SNTG2: variants seen among roughly 807,000 people sequenced by gnomAD.
SNTG2 encodes the protein gamma-2-syntrophin.
In SNTG2, 74 loss-of-function variants were observed where a neutral mutation model predicts 70.9. That is an observed-to-expected ratio of 1.04 (90% CI 0.86 to 1.27). SNTG2 has a LOEUF of 1.27. Ranked by LOEUF, SNTG2 falls within the 50% of genes most tolerant of loss-of-function variation. The probability of loss-of-function intolerance (pLI) is 0.00; values close to 1 mark genes in which losing one functional copy is unlikely to be tolerated. For synonymous variants in SNTG2, 278 were observed against 273.8 expected, an observed-to-expected ratio of 1.02 and a Z score of -0.15; for missense variants, 717 against 690.7, an observed-to-expected ratio of 1.04 and a Z score of -0.43.
At chr2:1,056,059 A>C (rs1662374002) in intron 1 of SNTG2, among the ~76,000 whole-genome samples, 1 of 151,330 alleles carries the variant, frequency 6.6e-6, no homozygotes, top group African/African-American at 2.4e-5. Context: ...CACAGGGAGA[A>C]GGGGTGAGGC....
At position 1,097,846 on chromosome 2, in the gene SNTG2, C is replaced by T. The variant is rs1225534396; in HGVS notation, c.211-350C>T. Among the ~76,000 whole-genome samples, 33 of 151,784 alleles carry T rather than the reference C, an allele frequency of 2.2e-4. No individual in the cohort carries two copies. Among genetic ancestry groups the T allele is most frequent in the Admixed American group, 2.2e-3 (33 of 15,250 alleles). Reference sequence around the variant, plus strand: ...GGTTCTAAAACAGGACTGAGTGCTCCGCCCCACTTCCCTTTCACCACCTGG... The same window carrying T: ...GGTTCTAAAACAGGACTGAGTGCTCTGCCCCACTTCCCTTTCACCACCTGG... On this transcript the variant is annotated intron_variant, in intron 2 of 16. Coordinates refer to ENST00000308624, the MANE Select transcript of SNTG2 (RefSeq NM_018968.4). This position sits in a 1 kb window ranked among gnomAD's most constrained non-coding sequence, Gnocchi z 4.1.
intron 14 of SNTG2, among the ~76,000 whole-genome samples, chr2:1,280,189 A>G (rs180970821): frequency 5.3e-5 from 8 of 152,212 alleles, no homozygotes; most frequent in African/African-American, 1.7e-4. Flanking sequence ...CCTGAAAAAA[A>G]TCAAGAGAAC....
intron 1 of SNTG2, among the ~76,000 whole-genome samples, chr2:1,014,832 G>T (rs1659835321): frequency 6.6e-6 from 1 of 152,176 alleles, no homozygotes. Flanking sequence ...CATGGAATTT[G>T]CCTCGCTGGC....
intron 1 of SNTG2, among the ~76,000 whole-genome samples, chr2:1,008,316 A>G (rs1659631143): frequency 6.6e-6 from 1 of 152,188 alleles, no homozygotes; most frequent in South Asian, 2.1e-4. Context: ...GTAATTTTAC[A>G]TCTATTTTAT....
chr2:1,043,557 A>C (rs867830673), intron 1 of SNTG2, among the ~76,000 whole-genome samples: 16 of 152,086 alleles, frequency 1.1e-4, no homozygotes, highest in African/African-American at 3.6e-4. Flanking sequence ...TTTTACATTT[A>C]AGTCTTTAAT....
chr2:991,017 T>G (rs921917287), intron 1 of SNTG2, among the ~76,000 whole-genome samples: 1 of 152,186 alleles, frequency 6.6e-6, no homozygotes, highest in African/African-American at 2.4e-5. Context: ...CAATCTCCCA[T>G]TTACTTGTTA....
intron 1 of SNTG2, among the ~76,000 whole-genome samples, chr2:1,067,233 A>C (rs910028764): frequency 6.6e-6 from 1 of 152,188 alleles, no homozygotes; most frequent in African/African-American, 2.4e-5. Context: ...AAATTCCAAC[A>C]ATGCGGAAAC....
At chr2:1,144,193 C>T (rs759266230) in intron 6 of SNTG2, among the ~76,000 whole-genome samples, 1 of 152,092 alleles carries the variant, frequency 6.6e-6, no homozygotes, top group Non-Finnish European at 1.5e-5. Flanking sequence ...TCTGGAGAAA[C>T]ATAGAACCTG....
intron 1 of SNTG2, among the ~76,000 whole-genome samples, chr2:1,032,817 G>T (rs2148038339): frequency 6.6e-6 from 1 of 152,202 alleles, no homozygotes; most frequent in African/African-American, 2.4e-5. Context: ...CTTGGTCACT[G>T]TGTTAGATCA....
At chr2:956,548 T>C (rs10188791) in intron 1 of SNTG2, among the ~76,000 whole-genome samples, 22,012 of 152,182 alleles carry the variant, frequency 0.14, 2,055 homozygotes, top group Non-Finnish European at 0.2. Flanking sequence ...CCGCAACCCA[T>C]GCCCCTTCCT....
intron 4 of SNTG2, among the ~76,000 whole-genome samples, chr2:1,133,739 C>T (rs888062271): frequency 1.3e-5 from 2 of 152,156 alleles, no homozygotes; most frequent in Admixed American, 6.5e-5. Flanking sequence ...TCAGCTGAAA[C>T]ACATTTCACA....
chr2:1,237,235 G>A (rs762885314), intron 9 of SNTG2, among the ~76,000 whole-genome samples: 27 of 152,122 alleles, frequency 1.8e-4, no homozygotes, highest in East Asian at 7.7e-4. Context: ...GAGCCACTGC[G>A]CCCGGCCAAT....
intron 9 of SNTG2, among the ~76,000 whole-genome samples, chr2:1,214,403 T>A (rs1354373485): frequency 6.6e-6 from 1 of 152,194 alleles, no homozygotes; most frequent in Non-Finnish European, 1.5e-5. Flanking sequence ...TCCATTTTTG[T>A]GTGTCATCTA....
At chr2:1,262,165 A>G (rs974657717) in intron 13 of SNTG2, among the ~76,000 whole-genome samples, 66 of 152,162 alleles carry the variant, frequency 4.3e-4, no homozygotes, top group African/African-American at 1.6e-3. Flanking sequence ...AGAGAGAGAG[A>G]TTCAGAGATT....
At chr2:1,281,181 C>A (rs1168521129) in intron 14 of SNTG2, among the ~76,000 whole-genome samples, 1 of 149,740 alleles carries the variant, frequency 6.7e-6, no homozygotes, top group South Asian at 2.1e-4. Flanking sequence ...GTTCTGTGGT[C>A]TGTGGTGGTG....
intron 1 of SNTG2, among the ~76,000 whole-genome samples, chr2:1,060,289 C>T (rs546830767): frequency 8.5e-5 from 13 of 152,164 alleles, no homozygotes; most frequent in South Asian, 2.1e-4. Flanking sequence ...ATAACGATAC[C>T]AGTGTGAACT....
chr2:1,106,348 C>G (rs1291057504), intron 4 of SNTG2, among the ~76,000 whole-genome samples: 3 of 98,668 alleles, frequency 3.0e-5, no homozygotes, highest in African/African-American at 3.9e-5. Context: ...TGCTGTCACT[C>G]GGTGCAGGGT....
chr2:1,099,630 A>G (rs4991940), intron 4 of SNTG2, among the ~76,000 whole-genome samples: 2,479 of 102,468 alleles, frequency 0.024, 47 homozygotes, highest in African/African-American at 0.071. Context: ...AGGTGGGTGC[A>G]GTGAGGGCAG....
rs1676286362 is a variant in SNTG2 at position 1,232,022 on chromosome 2, G to A, written c.720-5866G>A. 2.6e-5 allele frequency among the ~76,000 whole-genome samples: 4 copies of A among 152,160 alleles called. No homozygotes were observed. In the South Asian group the frequency reaches 8.3e-4, roughly 32 times the overall value. The stretch of plus-strand genomic sequence containing the variant: ...CTTCCCATCCATAGGGAGGCCTTCA[G>A]GGAGTCCCTGGACATCGTGCTCCAG... On this transcript the variant is annotated intron_variant, in intron 9 of 16. Coordinates refer to ENST00000308624, the MANE Select transcript of SNTG2 (RefSeq NM_018968.4).
Sources: allele counts gnomAD v4.1 joint callset (sites outside exome capture counted in the v4.1 genomes callset), GRCh38; gene constraint gnomAD v4.1.1; non-coding constraint Gnocchi (gnomAD v3.1); transcripts MANE v1.5; gene names NCBI Gene and HGNC (gene_info 2026-07-23, HGNC 2026-07-21).